CTNNA2: variants seen among roughly 807,000 people sequenced by gnomAD.
CTNNA2 encodes the protein catenin alpha 2, also known as catenin alpha-2.
In CTNNA2, 42 loss-of-function variants were observed where a neutral mutation model predicts 101.0. The observed-to-expected ratio is 0.42, with a 90% CI of 0.32 to 0.54. The LOEUF (loss-of-function observed/expected upper bound fraction) is 0.54, where lower values mean the gene tolerates loss of function less well. Ranked by LOEUF, CTNNA2 falls within the 20% of genes least tolerant of loss-of-function variation. The pLI, the probability that CTNNA2 is intolerant of heterozygous loss-of-function variation, is 0.14. For missense variants in CTNNA2, 871 were observed against 1,223.1 expected (o/e 0.71, Z 4.29); for synonymous variants, 450 against 456.4 (o/e 0.99, Z 0.18).
chr2:79,227,584 TCA>T (rs1344233826), intron 2 of CTNNA2, among the ~76,000 whole-genome samples: 2 of 152,056 alleles, frequency 1.3e-5, no homozygotes, highest in African/African-American at 2.4e-5. Flanking sequence ...GTAAAGTGAG[TCA>T]CACAATTTTT....
intron 2 of CTNNA2, among the ~76,000 whole-genome samples, chr2:79,672,942 A>C (rs1203355874): frequency 6.6e-6 from 1 of 152,066 alleles, no homozygotes; most frequent in African/African-American, 2.4e-5. Flanking sequence ...TTCTGACCTC[A>C]GGTGATCTGC....
chr2:79,434,109 C>T (rs1678687113), intron 4 of CTNNA2, among the ~76,000 whole-genome samples: 1 of 151,796 alleles, frequency 6.6e-6, no homozygotes, highest in Non-Finnish European at 1.5e-5. Flanking sequence ...GCCTGGCCAA[C>T]ATGGCAAAAC....
At chr2:79,850,883 C>A (rs1018917809) in intron 3 of CTNNA2, among the ~76,000 whole-genome samples, 10 of 152,104 alleles carry the variant, frequency 6.6e-5, no homozygotes, top group Non-Finnish European at 1.0e-4. Context: ...GAGTTACATG[C>A]TAAAATATTA....
At chr2:79,982,642 G>T (rs1691466455) in intron 7 of CTNNA2, among the ~76,000 whole-genome samples, 1 of 151,834 alleles carries the variant, frequency 6.6e-6, no homozygotes, top group Non-Finnish European at 1.5e-5. Context: ...AGTGTAAAAT[G>T]ACAACTATGT....
intron 2 of CTNNA2, among the ~76,000 whole-genome samples, chr2:79,676,835 A>G (rs1002455700): frequency 6.6e-6 from 1 of 152,210 alleles, no homozygotes. Context: ...TACATCAGCT[A>G]TCTAGATAAA....
intron 9 of CTNNA2, among the ~76,000 whole-genome samples, chr2:80,437,692 C>T (rs1045124279): frequency 4.6e-5 from 7 of 152,166 alleles, no homozygotes; most frequent in African/African-American, 1.7e-4. Flanking sequence ...TTTGCTAGAG[C>T]TGCCATTAAA....
At chr2:79,257,252 C>A (rs994555287) in intron 2 of CTNNA2, among the ~76,000 whole-genome samples, 1 of 152,058 alleles carries the variant, frequency 6.6e-6, no homozygotes, top group Non-Finnish European at 1.5e-5. Flanking sequence ...CCTGATGCAA[C>A]TAGATGCCAC....
chr2:79,273,756 C>T (rs967385642), intron 2 of CTNNA2, among the ~76,000 whole-genome samples: 1 of 150,906 alleles, frequency 6.6e-6, no homozygotes, highest in Non-Finnish European at 1.5e-5. Flanking sequence ...GCTTCAGCCT[C>T]AAAGAGCATG....
intron 4 of CTNNA2, among the ~76,000 whole-genome samples, chr2:79,377,261 C>G (rs1276295762): frequency 6.6e-6 from 1 of 152,116 alleles, no homozygotes; most frequent in Admixed American, 6.6e-5. Flanking sequence ...GATCTTCATA[C>G]AAGGATATAA....
chr2:80,080,711 C>T (rs951010221), intron 7 of CTNNA2, among the ~76,000 whole-genome samples: 2 of 152,068 alleles, frequency 1.3e-5, no homozygotes, highest in Non-Finnish European at 2.9e-5. Flanking sequence ...ATTTGTAGCA[C>T]ATCAAATTCA....
intron 2 of CTNNA2, among the ~76,000 whole-genome samples, chr2:79,255,202 C>T (rs142586013): frequency 2.0e-5 from 3 of 152,162 alleles, no homozygotes; most frequent in African/African-American, 7.2e-5. Flanking sequence ...CTGCAGGATC[C>T]CAGTTAATAT....
intron 4 of CTNNA2, among the ~76,000 whole-genome samples, chr2:79,454,667 G>C (rs1670794518): frequency 6.6e-6 from 1 of 152,024 alleles, no homozygotes; most frequent in African/African-American, 2.4e-5. Context: ...ATTTTTTGGA[G>C]GTTAAATGAT....
intron 7 of CTNNA2, among the ~76,000 whole-genome samples, chr2:80,063,392 G>T (rs1444716698): frequency 6.6e-6 from 1 of 152,018 alleles, no homozygotes; most frequent in Admixed American, 6.6e-5. Flanking sequence ...CTGTTCAATG[G>T]TCTTGAAATG....
chr2:80,394,836 A>G (rs537392450), intron 8 of CTNNA2, among the ~76,000 whole-genome samples: 9 of 152,204 alleles, frequency 5.9e-5, no homozygotes, highest in South Asian at 4.1e-4. Context: ...AGAGGTCCCA[A>G]TGACTGATAA....
intron 4 of CTNNA2, among the ~76,000 whole-genome samples, chr2:79,403,286 A>G (rs1678308596): frequency 6.6e-6 from 1 of 151,948 alleles, no homozygotes; most frequent in Non-Finnish European, 1.5e-5. Context: ...AGTAATAGAG[A>G]TATGAGATTG....
chr2:80,140,486 C>G lies in CTNNA2; in HGVS notation c.1056+230689C>G, dbSNP rs189977637. ...TCTTAAGTCCATGGTGACAGAAGCT[C>G]TGTCCTATCCCTTCCCACCCATCCC... On this transcript the variant is annotated intron_variant, in intron 7 of 18. Transcript: ENST00000402739. Among the ~76,000 whole-genome samples, 129 of 151,212 alleles carry G rather than the reference C, an allele frequency of 8.5e-4. No homozygotes were observed. In the East Asian group the frequency reaches 0.02, roughly 24 times the overall value.
intron 7 of CTNNA2, among the ~76,000 whole-genome samples, chr2:80,093,810 G>A (rs973648790): frequency 6.6e-6 from 1 of 152,290 alleles, no homozygotes; most frequent in African/African-American, 2.4e-5. Context: ...CTTCTTTTGA[G>A]AAGTGTCTGT....
At chr2:79,909,930 G>T (rs1685672004) in intron 7 of CTNNA2, 133 bp downstream of exon 7, 1 of 905,570 alleles carries the variant, frequency 1.1e-6, no homozygotes, top group East Asian at 2.8e-5. Context: ...TGAAACCAAA[G>T]AACTGCTTTG....
In CTNNA2 at chr2:80,000,600, A is replaced by G. The variant is rs566992854; in HGVS notation, c.1056+90803A>G. On this transcript the variant is annotated intron_variant, in intron 7 of 18. Transcript: ENST00000402739. ...AATTAACATCCTCTCCAAATCAATC[A>G]TTGATATTATACTTCCTGCAAGGGG... Among the ~76,000 whole-genome samples, 3 of 152,236 alleles carry G rather than the reference A, an allele frequency of 2.0e-5. 1 individual carries two copies. The South Asian group carries it at 6.2e-4, about 32-fold the overall frequency.
Sources: allele counts gnomAD v4.1 joint callset (sites outside exome capture counted in the v4.1 genomes callset), GRCh38; gene constraint gnomAD v4.1.1; transcripts MANE v1.5; gene names NCBI Gene and HGNC (gene_info 2026-07-23, HGNC 2026-07-21).